AKT2: variants seen among roughly 807,000 people sequenced by gnomAD.
AKT2 encodes AKT serine/threonine kinase 2.
AKT2 carries 16 observed loss-of-function variants against 58.6 expected under a neutral mutation model. The ratio of observed to expected loss-of-function variants is 0.27; its 90% confidence interval spans 0.18 to 0.41. The LOEUF (loss-of-function observed/expected upper bound fraction) is 0.41. Ranked by LOEUF, AKT2 falls within the 10% of genes least tolerant of loss-of-function variation. The pLI is 1.00. For synonymous variants in AKT2, 253 were observed against 254.0 expected, an observed-to-expected ratio of 1.00 and a Z score of 0.04; for missense variants, 438 against 661.0, an observed-to-expected ratio of 0.66 and a Z score of 3.70.
At chr19:40,239,226 G>T in intron 7 of AKT2, 1 of 483,078 alleles carries the variant, frequency 2.1e-6, no homozygotes. Flanking sequence ...CACAGCCAAG[G>T]GAGAACTAGA....
chr19:40,260,726 GATT>G (rs1376166923), intron 2 of AKT2, among the ~76,000 whole-genome samples: 1 of 148,144 alleles, frequency 6.8e-6, no homozygotes, highest in Non-Finnish European at 1.5e-5. Context: ...ACAACATAGA[GATT>G]ATTCATCCAT....
chr19:40,243,913 G>C (rs941605506), intron 4 of AKT2: 1 of 151,602 alleles, frequency 6.6e-6, no homozygotes, highest in Non-Finnish European at 1.5e-5. Context: ...GCGTGGTGAC[G>C]GGCGCCTGTA....
intron 6 of AKT2, 82 bp downstream of exon 6, chr19:40,241,856 G>A (rs1041196529): frequency 1.2e-5 from 19 of 1,593,110 alleles, no homozygotes; most frequent in South Asian, 8.9e-5. Context: ...CAGAAAGCGC[G>A]GGTAAGCGTC....
chr19:40,274,760 A>C (rs562942848), intron 1 of AKT2: 1 of 320,664 alleles, frequency 3.1e-6, no homozygotes, highest in Non-Finnish European at 6.2e-6. Flanking sequence ...CGCCTACAGG[A>C]GTGGGTGAAG....
In AKT2 at chr19:40,255,221, A is replaced by G; in HGVS notation, c.224T>C (p.Ile75Thr). The G allele has an allele frequency of 6.2e-7, 1 of 1,614,106 alleles. No individual in the cohort carries two copies. Among genetic ancestry groups the G allele is most frequent in the Non-Finnish European group, 8.5e-7 (1 of 1,179,952 alleles). ...TERPRPNTFV[I>T]RCLQWTTVIE... The stretch of plus-strand genomic sequence containing the variant: ...GACTGTGGTCCACTGCAGGCAGCGT[A>G]TGACAAAGGTGTTGGGTCGCGGCCT... The change falls in exon 4 of 14, where the codon ATA becomes ACA. Residue 75 changes from isoleucine (I) to threonine (T), a missense_variant. This residue lies in a region of AKT2 where 244 missense variants were observed against 347.1 expected (regional missense o/e 0.70). Transcript: ENST00000392038.
rs535649863 is a variant in AKT2, at chr19:40,232,753, C to T, written c.*1119G>A. On this transcript the variant is annotated 3_prime_UTR_variant, in exon 14 of 14. Transcript: ENST00000392038. ...ATGCACACACACCCACGTGTGCCTG[C>T]GTCCCGCCGACACACGCAGTCCGAG... 2.6e-5 allele frequency: 6 copies of T among 233,602 alleles called. No homozygotes were observed. The highest frequency in any genetic ancestry group is 1.8e-4 in the South Asian group (1 of 5,540). The allele number at this position is 233,602 out of a possible 1,614,324, so 14.5% of individuals were successfully genotyped here.
intron 1 of AKT2, among the ~76,000 whole-genome samples, chr19:40,278,494 C>A (rs1226949670): frequency 6.6e-6 from 1 of 152,152 alleles, no homozygotes; most frequent in African/African-American, 2.4e-5. Flanking sequence ...ACACTGCCCA[C>A]CTCCCAGGCT....
intron 1 of AKT2, chr19:40,268,462 T>C (rs542948905): frequency 6.6e-6 from 1 of 152,298 alleles, no homozygotes; most frequent in Non-Finnish European, 1.5e-5. Flanking sequence ...GCCAGCTGGG[T>C]GGCCTTGGGC....
rs573563926 is a variant in AKT2, at chr19:40,233,337, C to A, written c.*535G>T. On this transcript the variant is annotated 3_prime_UTR_variant, in exon 14 of 14. Coordinates refer to ENST00000392038, the MANE Select transcript of AKT2 (RefSeq NM_001626.6). The surrounding 1 kb of genome is among the most constrained non-coding windows in gnomAD (Gnocchi z 4.3). Reference sequence around the variant, plus strand: ...TGCAGCTCCCAAGGGCCCCTGCCTGCCCCTGGACATTATTGCTTTTCTGCC... The same window carrying A: ...TGCAGCTCCCAAGGGCCCCTGCCTGACCCTGGACATTATTGCTTTTCTGCC... The A allele has an allele frequency of 2.0e-5, 8 of 403,488 alleles. No homozygotes were observed. The highest frequency in any genetic ancestry group is 3.8e-5 in the Admixed American group (1 of 26,346). The allele number at this position is 403,488 out of a possible 1,614,324, so 25.0% of individuals were successfully genotyped here. A position where few individuals can be genotyped will look rare whatever the true frequency, so the allele number is the denominator to read the frequency against.
rs775817032 is a variant in AKT2 at position 40,235,502 on chromosome 19, A to C, written c.1176-152T>G. 3 of 774,404 alleles carry C rather than the reference A, an allele frequency of 3.9e-6. No homozygotes were observed. The highest frequency in any genetic ancestry group is 6.6e-6 in the Non-Finnish European group (3 of 457,568). The allele number at this position is 774,404 out of a possible 1,614,324, so 48.0% of individuals were successfully genotyped here. A position where few individuals can be genotyped will look rare whatever the true frequency, so the allele number is the denominator to read the frequency against. On this transcript the variant is annotated intron_variant, in intron 11 of 13. Transcript: ENST00000392038. The surrounding 1 kb of genome is among the most constrained non-coding windows in gnomAD (Gnocchi z 6.3). ...GGAGGAAACCGAGGCTCAGGGAGGG[A>C]GCTCACGTGCCCAGGGTCAGAGCCA...
At chr19:40,264,067 G>A (rs561021662) in intron 2 of AKT2, among the ~76,000 whole-genome samples, 12 of 152,240 alleles carry the variant, frequency 7.9e-5, no homozygotes, top group African/African-American at 2.9e-4. Context: ...ATACTAACAC[G>A]AGGATGGGAT....
intron 1 of AKT2, among the ~76,000 whole-genome samples, chr19:40,267,580 C>T (rs1976450202): frequency 6.6e-6 from 1 of 152,234 alleles, no homozygotes; most frequent in East Asian, 1.9e-4. Context: ...ACCCTCCCAA[C>T]ACCTATTAAC....
At chr19:40,262,203 TCAAGACCCACCTGGGCAATATAG>T (rs1976013875) in intron 2 of AKT2, among the ~76,000 whole-genome samples, 2 of 150,136 alleles carry the variant, frequency 1.3e-5, no homozygotes, top group Non-Finnish European at 3.0e-5. Flanking sequence ...GGCTAGGAGT[TCAAGACCCACCTGGGCAATATAG>T]CAAGACCATA....
At chr19:40,255,438 AGT>A (rs3049071) in intron 3 of AKT2, 169 bp from the exon 4 acceptor site, 2,065 of 550,092 alleles carry the variant, frequency 3.8e-3, no homozygotes, top group Middle Eastern at 5.4e-3. Context: ...CTCAGGGTCT[AGT>A]GTGTGTGTGT....
In AKT2 at chr19:40,256,948, G is replaced by C. The variant is rs762174135; in HGVS notation, c.153C>G (p.Pro51=). The C allele has an allele frequency of 3.1e-6, 5 of 1,614,176 alleles. No individual in the cohort carries two copies. Among genetic ancestry groups the C allele is most frequent in the South Asian group, 2.2e-5 (2 of 91,078 alleles). The part of the protein sequence containing the change: ...RPEAPDQTLP[P]LNNFSVAECQ... The stretch of plus-strand genomic sequence containing the variant: ...CACCTGCTACGGAGAAGTTGTTTAA[G>C]GGGGGTAGAGTCTGATCAGGGGCCT... The change falls in exon 3 of 14, where the codon CCC becomes CCG. Residue 51 remains proline (P), a synonymous_variant. Transcript: ENST00000392038.
At position 40,232,313 on chromosome 19, in the gene AKT2, T is replaced by C. The variant is rs570526739; in HGVS notation, c.*1559A>G. 1 of 233,870 alleles carries C rather than the reference T, an allele frequency of 4.3e-6. No homozygotes were observed. The highest frequency in any genetic ancestry group is 1.8e-4 in the South Asian group (1 of 5,530). The allele number at this position is 233,870 out of a possible 1,614,324, so 14.5% of individuals were successfully genotyped here. A position where few individuals can be genotyped will look rare whatever the true frequency, so the allele number is the denominator to read the frequency against. On this transcript the variant is annotated 3_prime_UTR_variant, in exon 14 of 14. Transcript: ENST00000392038. ...AAAGCCCAGAGTGGTTGGGCTGGCG[T>C]GAGTGCAGGCTGGGCCCTGGTCTGA... is the stretch of plus-strand genomic sequence containing the variant.
At chr19:40,247,231 C>G (rs1197527323) in intron 4 of AKT2, among the ~76,000 whole-genome samples, 2 of 152,218 alleles carry the variant, frequency 1.3e-5, no homozygotes, top group African/African-American at 2.4e-5. Context: ...CCCCATGAAG[C>G]TGGGCCTCAA....
intron 6 of AKT2, chr19:40,240,776 C>CTT (rs548486162): frequency 1.2e-4 from 17 of 146,822 alleles, no homozygotes; most frequent in South Asian, 7.8e-4. Flanking sequence ...TGTCTGAAGT[C>CTT]TTTTTTTTTT....
chr19:40,265,807 C>T (rs1976308421), intron 1 of AKT2, among the ~76,000 whole-genome samples: 1 of 152,178 alleles, frequency 6.6e-6, no homozygotes, highest in East Asian at 1.9e-4. Context: ...TACACACACA[C>T]ACTCTTTTCT....
Sources: allele counts gnomAD v4.1 joint callset (sites outside exome capture counted in the v4.1 genomes callset), GRCh38; gene constraint gnomAD v4.1.1; regional missense constraint gnomAD v4.1.1; non-coding constraint Gnocchi (gnomAD v3.1); transcripts MANE v1.5; gene names NCBI Gene and HGNC (gene_info 2026-07-23, HGNC 2026-07-21).